The following TRIM14 variants were observed in gnomAD, a reference collection of about 807,000 sequenced individuals.
The protein encoded by TRIM14 is tripartite motif containing 14.
Under a neutral mutation model 44.5 loss-of-function variants are expected in TRIM14, and 28 were observed. That is an observed-to-expected ratio of 0.63 (90% confidence interval 0.47 to 0.86). The LOEUF (loss-of-function observed/expected upper bound fraction) is 0.86, where lower values mean the gene tolerates loss of function less well. Ranked by LOEUF, TRIM14 falls within the 40% of genes least tolerant of loss-of-function variation. The pLI is 0.00. For synonymous variants in TRIM14, 299 were observed against 269.2 expected (o/e 1.11, Z -1.08); for missense variants, 607 against 611.1 (o/e 0.99, Z 0.07).
At chr9:98,112,171 C>T (rs924996091) in intron 1 of TRIM14, among the ~76,000 whole-genome samples, 46 of 152,180 alleles carry the variant, frequency 3.0e-4, no homozygotes, top group African/African-American at 1.1e-3. Context: ...CTAGGTTTTT[C>T]ACTGGAAATT....
chr9:98,062,866 A>T, the TRIM14 span, among the ~76,000 whole-genome samples: 1 of 148,606 alleles, frequency 6.7e-6, no homozygotes, highest in Admixed American at 6.9e-5. Context: ...TTACAGCTGC[A>T]TGTGAATCTA....
At chr9:98,054,262 A>G in the TRIM14 span, among the ~76,000 whole-genome samples, 3 of 152,188 alleles carry the variant, frequency 2.0e-5, no homozygotes, top group African/African-American at 4.8e-5. Context: ...ACACACAAAG[A>G]CAAGACGGAC....
intron 4 of TRIM14, among the ~76,000 whole-genome samples, chr9:98,092,709 T>C (rs930320212): frequency 1.3e-5 from 2 of 152,248 alleles, no homozygotes; most frequent in African/African-American, 4.8e-5. Flanking sequence ...CTTGTGCCAA[T>C]CACCAAGTTT....
chr9:98,055,539 C>T, the TRIM14 span, among the ~76,000 whole-genome samples: 1 of 152,080 alleles, frequency 6.6e-6, no homozygotes, highest in African/African-American at 2.4e-5. Flanking sequence ...ATATCTCAAG[C>T]ACTGGTCTTA....
At chr9:98,063,189 A>G in the TRIM14 span, among the ~76,000 whole-genome samples, 9 of 151,574 alleles carry the variant, frequency 5.9e-5, no homozygotes, top group Non-Finnish European at 1.3e-4. Flanking sequence ...CAGCCTCCCA[A>G]AGGTCTGGGG....
At chr9:98,092,144 G>A in intron 4 of TRIM14, 143 bp from the exon 5 acceptor site, 2 of 575,910 alleles carry the variant, frequency 3.5e-6, no homozygotes, top group Non-Finnish European at 5.8e-6. Context: ...GAATTCACAG[G>A]GACAGGAAAA....
intron 2 of TRIM14, among the ~76,000 whole-genome samples, chr9:98,106,275 G>A (rs1307744991): frequency 6.6e-6 from 1 of 152,124 alleles, no homozygotes; most frequent in Non-Finnish European, 1.5e-5. Context: ...TGCATATACA[G>A]GAAAAAAATC....
Position 98,087,947 on chromosome 9 carries a change from G to A in TRIM14, c.852C>T (p.Ala284=), listed in dbSNP as rs777800386. Residue 284 remains alanine, a synonymous_variant, in exon 6 of 6, where the codon GCC becomes GCT. Coordinates refer to ENST00000341469, the MANE Select transcript of TRIM14 (RefSeq NM_014788.4). ...DTMHARLRLS[A]DRLTVRCGLL... ...GGCCGCAGCGCACCGTCAGGCGATC[G>A]GCGGACAGGCGCAGGCGCGCGTGCA... The A allele has an allele frequency of 4.5e-6, 7 of 1,566,132 alleles. No individual in the cohort carries two copies. The South Asian group carries it at 6.8e-5, about 15-fold the overall frequency.
intron 2 of TRIM14, among the ~76,000 whole-genome samples, chr9:98,108,076 C>A (rs1159257302): frequency 2.0e-5 from 3 of 150,348 alleles, no homozygotes; most frequent in Non-Finnish European, 4.4e-5. Flanking sequence ...TACACACATA[C>A]CATCCTTTTT....
chr9:98,041,162 A>C, the TRIM14 span, among the ~76,000 whole-genome samples: 1 of 152,262 alleles, frequency 6.6e-6, no homozygotes, highest in East Asian at 1.9e-4. Context: ...GAGCTCTAGG[A>C]TGAGGAATAA....
the TRIM14 span, among the ~76,000 whole-genome samples, chr9:98,042,088 T>G: frequency 6.6e-6 from 1 of 151,120 alleles, no homozygotes; most frequent in East Asian, 2.0e-4. Flanking sequence ...GGTCAGGAGA[T>G]CAAGACCATC....
At chr9:98,051,317 C>T in the TRIM14 span, among the ~76,000 whole-genome samples, 4 of 152,206 alleles carry the variant, frequency 2.6e-5, no homozygotes, top group Non-Finnish European at 2.9e-5. Flanking sequence ...AGAGTCTACT[C>T]GCTTAACTAA....
chr9:98,119,057 G>T lies in TRIM14; in HGVS notation c.132C>A (p.Cys44Ter), dbSNP rs1311017219. The change falls in exon 1 of 6, where the codon TGC becomes TGA. Residue 44 changes from cysteine (C) to a stop codon, truncating the protein, a stop_gained. Transcript: ENST00000341469. LOFTEE classifies it high-confidence loss of function. ...LFCRRCRRCVCALCPVLGAHR... is the reference protein window; with the variant it reads ...LFCRRCRRCV ...GCGCGCCCAGCACCGGGCAAAGCGC[G>T]CACACGCAGCGGCGGCAGCGGCGAC... 6.3e-7 allele frequency: 1 copy of T among 1,580,550 alleles called. No homozygotes were observed. Among genetic ancestry groups the T allele is most frequent in the Non-Finnish European group, 8.5e-7 (1 of 1,173,150 alleles).
At chr9:98,040,453 C>T in the TRIM14 span, among the ~76,000 whole-genome samples, 2 of 151,632 alleles carry the variant, frequency 1.3e-5, no homozygotes, top group African/African-American at 4.8e-5. Flanking sequence ...GCTCTGTCTC[C>T]TGCTTGTTTC....
chr9:98,070,817 T>G lies in TRIM14; in HGVS notation c.*29-1130A>C, dbSNP rs540504689. Among the ~76,000 whole-genome samples, 294 of 152,060 alleles carry G rather than the reference T, an allele frequency of 1.9e-3. 1 individual carries two copies. Among genetic ancestry groups the G allele is most frequent in the African/African-American group, 6.8e-3 (283 of 41,446 alleles). ...GCAGACTCTTTAGTAATTTTTTTTTTTTTTTGAGACAGGGTCTCACTCTGT... is the reference window on the plus strand; with the variant it reads ...GCAGACTCTTTAGTAATTTTTTTTTGTTTTTGAGACAGGGTCTCACTCTGT... On this transcript the variant is annotated intron_variant, in intron 6 of 6. Transcript: ENST00000375098.
intron 2 of TRIM14, among the ~76,000 whole-genome samples, chr9:98,103,796 C>G (rs1826494103): frequency 1.4e-5 from 2 of 147,038 alleles, no homozygotes; most frequent in African/African-American, 5.1e-5. Context: ...CGAGATTGTG[C>G]TACTGCACTC....
downstream of TRIM14, among the ~76,000 whole-genome samples, chr9:98,066,203 C>T (rs1829143270): frequency 1.3e-5 from 2 of 152,148 alleles, no homozygotes; most frequent in Admixed American, 1.3e-4. Context: ...AATAACCAAT[C>T]AGAGTAATGA....
At chr9:98,074,455 G>GT (rs1371845877) in intron 6 of TRIM14, among the ~76,000 whole-genome samples, 2 of 152,182 alleles carry the variant, frequency 1.3e-5, no homozygotes, top group African/African-American at 4.8e-5. Context: ...CCAGCCTGTA[G>GT]TAGCCCCTAG....
chr9:98,080,027 A>C (rs1387038770), downstream of TRIM14, among the ~76,000 whole-genome samples: 1 of 152,180 alleles, frequency 6.6e-6, no homozygotes, highest in African/African-American at 2.4e-5. Flanking sequence ...CAGCCTGGCC[A>C]ATGTGGCGAA....
Sources: allele counts gnomAD v4.1 joint callset (sites outside exome capture counted in the v4.1 genomes callset), GRCh38; gene constraint gnomAD v4.1.1; transcripts MANE v1.5; gene names NCBI Gene and HGNC (gene_info 2026-07-23, HGNC 2026-07-21).